The following ZNF397 variants were observed in gnomAD, a reference collection of about 807,000 sequenced individuals.
ZNF397 encodes zinc finger and SCAN domain-containing protein 15.
In ZNF397, 38 loss-of-function variants were observed where a neutral mutation model predicts 50.6. The observed-to-expected ratio is 0.75, with a 90% CI of 0.58 to 0.98. The LOEUF (loss-of-function observed/expected upper bound fraction) is 0.98. Among genes scored for constraint, ZNF397 ranks in the 50% least tolerant of loss-of-function variants. The pLI is 0.00. For synonymous variants in ZNF397, 228 were observed against 215.2 expected, an observed-to-expected ratio of 1.06 and a Z score of -0.52; for missense variants, 624 against 624.1, an observed-to-expected ratio of 1.00 and a Z score of 0.00.
In ZNF397 at chr18:35,246,881, A is replaced by G. The variant is rs926700997; in HGVS notation, c.*571A>G. 70 of 980,056 alleles carry G rather than the reference A, an allele frequency of 7.1e-5. No homozygotes were observed. The African/African-American group carries it at 9.8e-4, about 14-fold the overall frequency. 60.7% of individuals were successfully genotyped at this position (980,056 alleles called of 1,614,324 possible). ...ATTTTTTGAGTACCTACTTTGTCCC[A>G]GGAACTAGGAATACAGTGGAAAACA... is the stretch of plus-strand genomic sequence containing the variant. On this transcript the variant is annotated 3_prime_UTR_variant, in exon 4 of 4. Transcript: ENST00000330501.
intron 5 of ZNF397, chr18:35,257,007 C>G (rs1598611981): frequency 2.0e-5 from 3 of 153,014 alleles, no homozygotes; most frequent in Non-Finnish European, 2.9e-5. Context: ...AACTCCTGGT[C>G]TCAAGCAATC....
chr18:35,254,412 A>G, downstream of ZNF397: 1 of 1,613,796 alleles, frequency 6.2e-7, no homozygotes, highest in Non-Finnish European at 8.5e-7. Flanking sequence ...TGTAAGTATC[A>G]TTTACTTCCC....
In ZNF397 at chr18:35,246,342, C is replaced by T. The variant is rs764575514; in HGVS notation, c.*32C>T. On this transcript the variant is annotated 3_prime_UTR_variant, in exon 4 of 4. Transcript: ENST00000330501. ...AATACTGTGAATAGTGTAAATACTT[C>T]AGTCAGATTTTTAAGTTTGTTAGTC... 4 of 1,480,022 alleles carry T rather than the reference C, an allele frequency of 2.7e-6. No individual in the cohort carries two copies. Among genetic ancestry groups the T allele is most frequent in the Non-Finnish European group, 3.6e-6 (4 of 1,116,754 alleles). The allele number at this position is 1,480,022 out of a possible 1,614,324, so 91.7% of individuals were successfully genotyped here. A position where few individuals can be genotyped will look rare whatever the true frequency, so the allele number is the denominator to read the frequency against.
At chr18:35,251,769 C>G (rs2043603989), downstream of ZNF397, 4 of 152,238 alleles carry the variant, frequency 2.6e-5, no homozygotes, top group South Asian at 8.2e-4. Flanking sequence ...CCTCCCCAGC[C>G]CTGCAGAACT....
chr18:35,254,573 A>C, downstream of ZNF397: 1 of 938,244 alleles, frequency 1.1e-6, no homozygotes, highest in East Asian at 2.7e-5. Context: ...AGAGTAAGGT[A>C]GACAAAGAAA....
In ZNF397 at chr18:35,245,744, G is replaced by A; in HGVS notation, c.1039G>A (p.Gly347Arg). The A allele has an allele frequency of 6.4e-7, 1 of 1,552,108 alleles. No individual in the cohort carries two copies. The highest frequency in any genetic ancestry group is 1.2e-5 in the South Asian group (1 of 84,062). ...GEKAYECSEC[G>R]KAFNQSSALI... ...GAAAGCATATGAATGTAGTGAATGT[G>A]GGAAAGCTTTCAATCAGAGCTCAGC... Residue 347 changes from glycine to arginine, a missense_variant, in exon 4 of 4, where the codon GGG becomes AGG. By Grantham distance (125) the Gly-to-Arg change is moderately radical. Transcript: ENST00000330501.
At chr18:35,253,370 G>T, downstream of ZNF397, 1 of 1,250,814 alleles carries the variant, frequency 8.0e-7, no homozygotes, top group Non-Finnish European at 1.1e-6. Context: ...CTGCTCTCAG[G>T]AAACTTTTCT....
chr18:35,244,075 TC>T (rs1294921316), intron 3 of ZNF397: 3 of 154,788 alleles, frequency 1.9e-5, no homozygotes, highest in Admixed American at 6.5e-5. Context: ...AAGAGTATAG[TC>T]CTATTAAAGA....
intron 2 of ZNF397, 114 bp downstream of exon 2, chr18:35,242,998 G>C (rs1912634396): frequency 1.4e-6 from 2 of 1,478,436 alleles, no homozygotes; most frequent in Non-Finnish European, 9.0e-7. Flanking sequence ...AACCTGAAGT[G>C]ACTAATAGAG....
At chr18:35,250,369 T>C (rs1290845721), downstream of ZNF397, among the ~76,000 whole-genome samples, 1 of 152,244 alleles carries the variant, frequency 6.6e-6, no homozygotes, top group Non-Finnish European at 1.5e-5. Flanking sequence ...GGAAATTTTT[T>C]CGTCTTCACC....
At chr18:35,254,042 T>C, downstream of ZNF397, 1 of 1,614,206 alleles carries the variant, frequency 6.2e-7, no homozygotes, top group Non-Finnish European at 8.5e-7. Flanking sequence ...ATAGAGCTTT[T>C]CCCTAGTGTC....
downstream of ZNF397, among the ~76,000 whole-genome samples, chr18:35,250,434 C>A (rs537132307): frequency 6.6e-6 from 1 of 152,286 alleles, no homozygotes; most frequent in East Asian, 1.9e-4. Context: ...CAGGGCTGTC[C>A]TGTTTCTCTT....
Position 35,243,286 on chromosome 18 carries a change from T to G in ZNF397, c.549T>G (p.Pro183=). 1.2e-6 allele frequency: 2 copies of G among 1,614,180 alleles called. No individual in the cohort carries two copies. Among genetic ancestry groups the G allele is most frequent in the Non-Finnish European group, 1.7e-6 (2 of 1,180,036 alleles). ...AATCCTGGAAACCATGCCTTTCCCC[T>G]AAAAGTGGTGAGGAATGGGAAATCA... The part of the protein sequence containing the change: ...QLKSWKPCLS[P]KSDCENSETA... The change falls in exon 3 of 4, where the codon CCT becomes CCG. Residue 183 remains proline (P), a synonymous_variant. Transcript: ENST00000330501.
Position 35,247,200 on chromosome 18 carries a change from A to G in ZNF397, c.*890A>G, listed in dbSNP as rs1250387520. 9.1e-6 allele frequency: 9 copies of G among 984,952 alleles called. No homozygotes were observed. The highest frequency in any genetic ancestry group is 1.1e-5 in the Non-Finnish European group (9 of 829,484). 61.0% of individuals were successfully genotyped at this position (984,952 alleles called of 1,614,324 possible). ...CTGGCCAGACTCTTAAGCAGTGCCA[A>G]TGGAGAAGTTCCTGTTAATAGACAA... On this transcript the variant is annotated 3_prime_UTR_variant, in exon 4 of 4. Transcript: ENST00000330501.
At chr18:35,243,086 G>A (rs1373323504) in intron 2 of ZNF397, 66 bp from the exon 3 acceptor site, 1 of 1,607,212 alleles carries the variant, frequency 6.2e-7, no homozygotes, top group Admixed American at 1.7e-5. Context: ...ACCTCTTTGA[G>A]ATTTTTACTA....
At chr18:35,258,009 A>C in exon 6 of ZNF397, 2 of 780,906 alleles carry the variant, frequency 2.6e-6, no homozygotes, top group Non-Finnish European at 4.8e-6. Flanking sequence ...AAGGCATATC[A>C]TGAGGCTAGT....
intron 3 of ZNF397, among the ~76,000 whole-genome samples, chr18:35,244,419 A>C (rs1912770809): frequency 6.6e-6 from 1 of 152,364 alleles, no homozygotes; most frequent in African/African-American, 2.4e-5. Context: ...GCTTAATAAA[A>C]TATGGATATA....
rs1361019660 is a variant in ZNF397 at position 35,249,744 on chromosome 18, CAA to C, written c.*3435_*3436del. ...ATTGTTAAGTAAAAATATTACAAAA[CAA>C]TATGTACAGTATGATCCTATGTAAA... On this transcript the variant is annotated 3_prime_UTR_variant, in exon 4 of 4. Transcript: ENST00000330501. The C allele has an allele frequency of 2.3e-5, 3 of 128,466 alleles. No individual in the cohort carries two copies. The highest frequency in any genetic ancestry group is 1.6e-4 in the Admixed American group (2 of 12,496). The allele number at this position is 128,466 out of a possible 1,614,324, so 8.0% of individuals were successfully genotyped here. A position where few individuals can be genotyped will look rare whatever the true frequency, so the allele number is the denominator to read the frequency against.
In ZNF397 at chr18:35,247,080, C is replaced by G. The variant is rs2143608385; in HGVS notation, c.*770C>G. 1.0e-6 allele frequency: 1 copy of G among 984,808 alleles called. No individual in the cohort carries two copies. Among genetic ancestry groups the G allele is most frequent in the Non-Finnish European group, 1.2e-6 (1 of 829,468 alleles). 61.0% of individuals were successfully genotyped at this position (984,808 alleles called of 1,614,324 possible). A position where few individuals can be genotyped will look rare whatever the true frequency, so the allele number is the denominator to read the frequency against. ...GTGGTACTCTAGGGAAGTGGTACCCCAGTAAAGAACAGTAGCCAAAGGCCA... is the reference window on the plus strand; with the variant it reads ...GTGGTACTCTAGGGAAGTGGTACCCGAGTAAAGAACAGTAGCCAAAGGCCA... On this transcript the variant is annotated 3_prime_UTR_variant, in exon 4 of 4. Transcript: ENST00000330501.
Sources: gnomAD v4.1 joint callset for allele counts (sites outside exome capture counted in the v4.1 genomes callset) on GRCh38, gnomAD v4.1.1 for gene constraint, MANE v1.5 for transcripts, NCBI Gene and HGNC (gene_info 2026-07-23, HGNC 2026-07-21) for gene names.